The following NLK variants were observed in gnomAD, a reference collection of about 807,000 sequenced individuals.
The protein encoded by NLK is nemo like kinase.
In NLK, 11 loss-of-function variants were observed where a neutral mutation model predicts 59.0. The observed-to-expected ratio is 0.19, with a 90% CI of 0.12 to 0.31. The LOEUF (loss-of-function observed/expected upper bound fraction) is 0.31. Ranked by LOEUF, NLK falls within the 10% of genes least tolerant of loss-of-function variation. The pLI is 1.00. For missense variants in NLK, 410 were observed against 661.1 expected (o/e 0.62, Z 4.16); for synonymous variants, 235 against 235.9 (o/e 1.00, Z 0.03).
chr17:28,145,982 A>C (rs1907230360), intron 3 of NLK, among the ~76,000 whole-genome samples: 1 of 152,184 alleles, frequency 6.6e-6, no homozygotes, highest in Non-Finnish European at 1.5e-5. Context: ...CTGGGATTAC[A>C]GGCATGAGCC....
intron 1 of NLK, among the ~76,000 whole-genome samples, chr17:28,119,572 T>G (rs902912102): frequency 1.3e-5 from 2 of 152,182 alleles, no homozygotes; most frequent in African/African-American, 4.8e-5. Flanking sequence ...GTTTAAAAAC[T>G]AATATTTATT....
chr17:28,087,651 A>G (rs1910558436), intron 1 of NLK, among the ~76,000 whole-genome samples: 1 of 152,250 alleles, frequency 6.6e-6, no homozygotes, highest in Admixed American at 6.5e-5. Flanking sequence ...GAAGAGAAGG[A>G]AGATAAAACT....
chr17:28,067,328 C>T lies in NLK; in HGVS notation c.458+23997C>T, dbSNP rs113554027. Among the ~76,000 whole-genome samples the T allele has an allele frequency of 6.5e-3, 995 of 152,000 alleles. 17 individuals carry two copies. The highest frequency in any genetic ancestry group is 0.022 in the African/African-American group (929 of 41,528). On this transcript the variant is annotated intron_variant, in intron 1 of 10. Coordinates refer to ENST00000407008, the MANE Select transcript of NLK (RefSeq NM_016231.5). ...ATTTTTATGTTTTTTACAAAAAGAA[C>T]ATCTATTCATTTATTGAAGTTTTAA...
intron 6 of NLK, among the ~76,000 whole-genome samples, chr17:28,172,030 T>C (rs539881109): frequency 6.6e-6 from 1 of 151,438 alleles, no homozygotes; most frequent in South Asian, 2.1e-4. Context: ...GAATGGAATA[T>C]ATAGGATAAT....
chr17:28,134,184 G>A (rs1906637873), intron 3 of NLK, among the ~76,000 whole-genome samples: 1 of 152,106 alleles, frequency 6.6e-6, no homozygotes, highest in Non-Finnish European at 1.5e-5. Context: ...GATCACTTGA[G>A]CCCAGGAGTT....
intron 1 of NLK, among the ~76,000 whole-genome samples, chr17:28,085,613 A>G (rs1427264048): frequency 6.6e-6 from 1 of 152,060 alleles, no homozygotes; most frequent in Admixed American, 6.5e-5. Context: ...AGTGGTGCGC[A>G]GCTGTAATCC....
chr17:28,054,926 C>A (rs1909385876), intron 1 of NLK, among the ~76,000 whole-genome samples: 2 of 152,166 alleles, frequency 1.3e-5, no homozygotes, highest in Admixed American at 1.3e-4. Context: ...GTGGCACACA[C>A]TTTCAGTCCC....
At chr17:28,198,499 C>A (rs975778264), downstream of NLK, among the ~76,000 whole-genome samples, 1 of 152,028 alleles carries the variant, frequency 6.6e-6, no homozygotes, top group Non-Finnish European at 1.5e-5. Context: ...TAATTTTTGT[C>A]TTTTTAGTAA....
chr17:28,129,343 C>A (rs1906421292), intron 2 of NLK, among the ~76,000 whole-genome samples: 2 of 152,104 alleles, frequency 1.3e-5, no homozygotes, highest in African/African-American at 4.8e-5. Flanking sequence ...GTCCCAGCTA[C>A]TTGGGAGGCT....
intron 1 of NLK, among the ~76,000 whole-genome samples, chr17:28,099,459 C>T (rs1904823235): frequency 6.6e-6 from 1 of 151,952 alleles, no homozygotes; most frequent in African/African-American, 2.4e-5. Flanking sequence ...CCCAGGCAAC[C>T]ATTGGTCTAG....
intron 2 of NLK, among the ~76,000 whole-genome samples, chr17:28,128,056 G>C (rs1400225107): frequency 6.6e-6 from 1 of 151,944 alleles, no homozygotes; most frequent in Admixed American, 6.6e-5. Flanking sequence ...GAGTCCGTGA[G>C]ATATCCATAT....
rs1459145906 is a variant in NLK at position 28,172,526 on chromosome 17, A to G, written c.1057A>G (p.Ile353Val). The change falls in exon 7 of 11, where the codon ATC (isoleucine) becomes GTC (valine). Residue 353 changes from isoleucine (I) to valine (V), a missense_variant. This residue lies in a region of NLK where 150 missense variants were observed against 244.3 expected (regional missense o/e 0.61). Transcript: ENST00000407008. ...TTTTATTTCCTTGTAGTTGGATTTGATCACGGATCTGTTGGGCACACCATC... is the reference window on the plus strand; with the variant it reads ...TTTTATTTCCTTGTAGTTGGATTTGGTCACGGATCTGTTGGGCACACCATC... ...AQSPIQQLDL[I>V]TDLLGTPSLE... The G allele has an allele frequency of 6.3e-7, 1 of 1,575,850 alleles. No individual in the cohort carries two copies.
At chr17:28,162,709 C>A (rs1004085327) in intron 4 of NLK, among the ~76,000 whole-genome samples, 1 of 152,124 alleles carries the variant, frequency 6.6e-6, no homozygotes, top group Non-Finnish European at 1.5e-5. Context: ...AAGATATTGG[C>A]TCTTTTTGTA....
chr17:28,136,095 TAAGTA>T (rs1429655598), intron 3 of NLK, among the ~76,000 whole-genome samples: 5 of 152,218 alleles, frequency 3.3e-5, no homozygotes, highest in Non-Finnish European at 5.9e-5. Context: ...CGCAGATGTT[TAAGTA>T]AAGAGCCTTT....
intron 3 of NLK, among the ~76,000 whole-genome samples, chr17:28,154,356 CAT>C (rs781560284): frequency 2.0e-5 from 3 of 152,192 alleles, no homozygotes; most frequent in Non-Finnish European, 4.4e-5. Context: ...CACCCACTAA[CAT>C]AGAATTCTGG....
chr17:28,122,559 T>C, intron 1 of NLK, 44 bp from the exon 2 acceptor site: 1 of 1,608,580 alleles, frequency 6.2e-7, no homozygotes, highest in Non-Finnish European at 8.5e-7. Context: ...TGGAACTGAT[T>C]TCTCTGTCTT....
At chr17:28,176,646 C>G (rs972470593) in intron 7 of NLK, among the ~76,000 whole-genome samples, 24 of 152,190 alleles carry the variant, frequency 1.6e-4, no homozygotes, top group African/African-American at 2.4e-5. Context: ...TACATATTCA[C>G]AGCAGACTTA....
At chr17:28,181,495 G>C (rs1376038932) in intron 7 of NLK, among the ~76,000 whole-genome samples, 2 of 152,020 alleles carry the variant, frequency 1.3e-5, no homozygotes, top group South Asian at 2.1e-4. Flanking sequence ...CTTGAGGCTG[G>C]GAGTTCAAGG....
chr17:28,095,872 A>G (rs977722117), intron 1 of NLK, among the ~76,000 whole-genome samples: 5 of 152,212 alleles, frequency 3.3e-5, no homozygotes, highest in Admixed American at 1.3e-4. Context: ...TCAAATAGAA[A>G]AGTCATCTTT....
Sources: gnomAD v4.1 joint callset for allele counts (sites outside exome capture counted in the v4.1 genomes callset) on GRCh38, gnomAD v4.1.1 for gene constraint, gnomAD v4.1.1 regional missense constraint, MANE v1.5 for transcripts, NCBI Gene and HGNC (gene_info 2026-07-23, HGNC 2026-07-21) for gene names.